The following SAMD4A variants were observed in gnomAD, a reference collection of about 807,000 sequenced individuals.
SAMD4A encodes the protein sterile alpha motif domain containing 4A.
In SAMD4A, 33 loss-of-function variants were observed where a neutral mutation model predicts 81.3. That is an observed-to-expected ratio of 0.41 (90% CI 0.31 to 0.54). The LOEUF (loss-of-function observed/expected upper bound fraction) is 0.54. Among genes scored for constraint, SAMD4A ranks in the 20% least tolerant of loss-of-function variants. The probability of loss-of-function intolerance (pLI) is 0.37; values close to 1 mark genes in which losing one functional copy is unlikely to be tolerated. For synonymous variants in SAMD4A, 389 were observed against 382.1 expected (o/e 1.02, Z -0.21); for missense variants, 854 against 951.1 (o/e 0.90, Z 1.34).
intron 2 of SAMD4A, among the ~76,000 whole-genome samples, chr14:54,626,043 TGTGTGTGTGTGTGTGTGCGCGC>T (rs1208798637): frequency 0.012 from 1,589 of 133,752 alleles, 32 homozygotes; most frequent in African/African-American, 0.045. Flanking sequence ...TGTGTGTGTG[TGTGTGTGTGTGTGTGTGCGCGC>T]GCGCGCGCGC....
At position 54,788,924 on chromosome 14, in the gene SAMD4A, G is replaced by A. The variant is rs746154563; in HGVS notation, c.2137G>A (p.Asp713Asn). The change falls in exon 13 of 13, where the codon GAC becomes AAC. Residue 713 changes from aspartate (D) to asparagine (N), a missense_variant. Physicochemically the swap from Asp to Asn is conservative, Grantham distance 23. Coordinates refer to ENST00000554335, the MANE Select transcript of SAMD4A (RefSeq NM_015589.6). ...GCTGCTTTCTCTCCCAGACGGGGTT[G>A]ACCGGACCTCCACCATCTAGAAGCT... ...MTEHALGDGVDRTSTI is the reference protein window; with the variant it reads ...MTEHALGDGVNRTSTI The A allele has an allele frequency of 6.2e-7, 1 of 1,614,194 alleles. No individual in the cohort carries two copies. The highest frequency in any genetic ancestry group is 1.1e-5 in the South Asian group (1 of 91,078).
At chr14:54,730,709 C>G (rs987763689) in intron 3 of SAMD4A, among the ~76,000 whole-genome samples, 1 of 152,196 alleles carries the variant, frequency 6.6e-6, no homozygotes, top group African/African-American at 2.4e-5. Flanking sequence ...ATATTCCCCT[C>G]TCTTCCTCTC....
At chr14:54,781,653 G>T (rs2039001388) in intron 11 of SAMD4A, among the ~76,000 whole-genome samples, 1 of 152,166 alleles carries the variant, frequency 6.6e-6, no homozygotes, top group South Asian at 2.1e-4. Flanking sequence ...CATCTGCCTG[G>T]TCTGTGGCCA....
intron 2 of SAMD4A, among the ~76,000 whole-genome samples, chr14:54,683,246 G>A (rs142217944): frequency 2.0e-5 from 3 of 152,320 alleles, no homozygotes; most frequent in African/African-American, 4.8e-5. Flanking sequence ...ATACAGGTGC[G>A]AGCCTTTGTG....
chr14:54,739,594 G>A (rs1224246028), intron 4 of SAMD4A, among the ~76,000 whole-genome samples: 2 of 151,846 alleles, frequency 1.3e-5, no homozygotes, highest in African/African-American at 4.8e-5. Context: ...AAGTATATTT[G>A]CAGTTTAGCT....
chr14:54,748,989 G>A (rs1365075451), intron 5 of SAMD4A, 65 bp downstream of exon 5: 2 of 1,172,582 alleles, frequency 1.7e-6, no homozygotes, highest in East Asian at 2.6e-5. Flanking sequence ...TTCAAGGCCT[G>A]GACAACCTTG....
At chr14:54,752,276 T>C (rs1957356) in intron 6 of SAMD4A, among the ~76,000 whole-genome samples, 117,598 of 152,190 alleles carry the variant, frequency 0.77, 45,480 homozygotes, top group Non-Finnish European at 0.79. Context: ...GACTTAATGA[T>C]GACATGATTT....
In SAMD4A at chr14:54,614,633, T is replaced by A. The variant is rs8007867; in HGVS notation, c.196+46521T>A. Among the ~76,000 whole-genome samples, 118 of 152,158 alleles carry A rather than the reference T, an allele frequency of 7.8e-4. 1 individual carries two copies. The South Asian group carries it at 0.013, about 17-fold the overall frequency. ...AGAAACATTTAAATACTATCTATTT[T>A]GTTTTCATAAAGTGTTTCAGGTTGC... On this transcript the variant is annotated intron_variant, in intron 2 of 12. Transcript: ENST00000554335.
intron 2 of SAMD4A, among the ~76,000 whole-genome samples, chr14:54,652,328 G>A (rs2035422150): frequency 6.6e-6 from 1 of 152,160 alleles, no homozygotes; most frequent in Non-Finnish European, 1.5e-5. Context: ...AAAGAATGTA[G>A]CTAACCAGTG....
chr14:54,764,099 G>T (rs148491330), intron 7 of SAMD4A, among the ~76,000 whole-genome samples: 2 of 152,306 alleles, frequency 1.3e-5, no homozygotes, highest in Admixed American at 1.3e-4. Context: ...ACAGTGTCAG[G>T]GTCTTGGATA....
intron 11 of SAMD4A, 122 bp downstream of exon 11, chr14:54,776,662 A>G: frequency 8.3e-7 from 1 of 1,205,522 alleles, no homozygotes; most frequent in Non-Finnish European, 1.1e-6. Context: ...AGCTTATAGA[A>G]GCCTTTCCTT....
chr14:54,630,908 ATG>A (rs5808786), intron 2 of SAMD4A, among the ~76,000 whole-genome samples: 42,674 of 144,030 alleles, frequency 0.3, 7,203 homozygotes, highest in Middle Eastern at 0.39. Context: ...TGTATTTTAT[ATG>A]TGTGTGTGTG....
In SAMD4A at chr14:54,595,790, A is replaced by G. The variant is rs1228523489; in HGVS notation, c.196+27678A>G. On this transcript the variant is annotated intron_variant, in intron 2 of 12. Transcript: ENST00000554335. ...GGGCATTTTAGGAAAGTGTAAGAAA[A>G]AGATCTTTGTCCCATGGAGCATACA... Among the ~76,000 whole-genome samples the G allele has an allele frequency of 8.5e-5, 13 of 152,184 alleles. 1 individual carries two copies. The highest frequency in any genetic ancestry group is 8.5e-4 in the Admixed American group (13 of 15,286).
chr14:54,745,415 C>T (rs1326288074), intron 4 of SAMD4A, among the ~76,000 whole-genome samples: 1 of 152,142 alleles, frequency 6.6e-6, no homozygotes, highest in African/African-American at 2.4e-5. Flanking sequence ...TCACTGTGGC[C>T]ATCCTAGTGG....
chr14:54,608,771 A>G (rs2034282969), intron 2 of SAMD4A, among the ~76,000 whole-genome samples: 1 of 152,332 alleles, frequency 6.6e-6, no homozygotes, highest in East Asian at 1.9e-4. Context: ...TAAGAATATA[A>G]AAAGAATCGT....
At chr14:54,669,697 T>C (rs2035835891) in intron 2 of SAMD4A, among the ~76,000 whole-genome samples, 1 of 152,150 alleles carries the variant, frequency 6.6e-6, no homozygotes, top group African/African-American at 2.4e-5. Flanking sequence ...TGTTCCTGCC[T>C]ATAATTAGCA....
At position 54,764,589 on chromosome 14, in the gene SAMD4A, A is replaced by T. The variant is rs760552914; in HGVS notation, c.1596+49A>T. 2.4e-6 allele frequency: 3 copies of T among 1,242,590 alleles called. No individual in the cohort carries two copies. The East Asian group carries it at 7.0e-5, about 29-fold the overall frequency. The allele number at this position is 1,242,590 out of a possible 1,614,324, so 77.0% of individuals were successfully genotyped here. A position where few individuals can be genotyped will look rare whatever the true frequency, so the allele number is the denominator to read the frequency against. ...AACCATTTTTTTTTTATTGCTTAGA[A>T]ATGGTTCTCAGAGTTTCTGTGATGT... On this transcript the variant is annotated intron_variant, in intron 8 of 12. Transcript: ENST00000554335.
At chr14:54,788,801 G>GC in intron 12 of SAMD4A, 115 bp from the exon 13 acceptor site, 1 of 1,211,282 alleles carries the variant, frequency 8.3e-7, no homozygotes, top group South Asian at 1.2e-5. Context: ...GAACGTAGGT[G>GC]CCCTTCTCTG....
At chr14:54,682,320 C>T (rs1032411839) in intron 2 of SAMD4A, among the ~76,000 whole-genome samples, 2 of 152,188 alleles carry the variant, frequency 1.3e-5, no homozygotes, top group Non-Finnish European at 2.9e-5. Context: ...TCCTCTGAGG[C>T]CTTTCTATCT....
Sources: gnomAD v4.1 joint callset for allele counts (sites outside exome capture counted in the v4.1 genomes callset) on GRCh38, gnomAD v4.1.1 for gene constraint, MANE v1.5 for transcripts, NCBI Gene and HGNC (gene_info 2026-07-23, HGNC 2026-07-21) for gene names.